The following TARS3 variants were observed in gnomAD, a reference collection of about 807,000 sequenced individuals.
The protein encoded by TARS3 is threonine--tRNA ligase 2, cytoplasmic.
A neutral mutation model predicts 103.5 loss-of-function variants in TARS3; 94 were observed. That is an observed-to-expected ratio of 0.91 (90% CI 0.77 to 1.08). The LOEUF (loss-of-function observed/expected upper bound fraction) is 1.08. Ranked by LOEUF, TARS3 falls within the 50% of genes least tolerant of loss-of-function variation. TARS3 has a pLI of 0.00. For missense variants in TARS3, 952 were observed against 995.2 expected (o/e 0.96, Z 0.58); for synonymous variants, 416 against 355.4 (o/e 1.17, Z -1.92).
At chr15:101,694,985 A>T (rs548165562) in intron 10 of TARS3, among the ~76,000 whole-genome samples, 1 of 152,318 alleles carries the variant, frequency 6.6e-6, no homozygotes, top group Admixed American at 6.5e-5. Flanking sequence ...GCAACGTGGA[A>T]AGAGTTCTGG....
intron 13 of TARS3, among the ~76,000 whole-genome samples, chr15:101,672,774 G>A (rs1460015592): frequency 3.3e-5 from 5 of 152,102 alleles, no homozygotes; most frequent in African/African-American, 9.7e-5. Flanking sequence ...GCCACCCCAC[G>A]GAGACACTTC....
At chr15:101,719,770 G>A (rs1051044181) in intron 3 of TARS3, among the ~76,000 whole-genome samples, 5 of 152,202 alleles carry the variant, frequency 3.3e-5, no homozygotes, top group African/African-American at 9.7e-5. Flanking sequence ...GGAGACAGCA[G>A]ATCAACAAGA....
intron 13 of TARS3, 109 bp downstream of exon 13, chr15:101,675,491 G>A: frequency 9.3e-7 from 1 of 1,080,840 alleles, no homozygotes; most frequent in Non-Finnish European, 1.3e-6. Context: ...ATAATTTCCA[G>A]GTTCAAAATT....
chr15:101,684,839 GCTTT>G (rs1384908168), intron 11 of TARS3, among the ~76,000 whole-genome samples: 2 of 152,156 alleles, frequency 1.3e-5, no homozygotes, highest in African/African-American at 4.8e-5. Context: ...CCGTGGTCTT[GCTTT>G]CTTATTCTGA....
intron 10 of TARS3, among the ~76,000 whole-genome samples, chr15:101,686,981 T>G (rs1020730263): frequency 2.0e-5 from 3 of 151,950 alleles, no homozygotes; most frequent in African/African-American, 7.3e-5. Flanking sequence ...CTAACAATGG[T>G]TTTATACAAC....
At chr15:101,718,095 G>A (rs532293466) in intron 3 of TARS3, among the ~76,000 whole-genome samples, 26 of 152,306 alleles carry the variant, frequency 1.7e-4, no homozygotes, top group East Asian at 7.7e-4. Flanking sequence ...AGGGCTGGGC[G>A]TGGTGGCTTA....
rs2141465701 is a variant in TARS3, at chr15:101,724,113, G to C, written c.275C>G (p.Ala92Gly). ...TACCTGTGCGCCGGCCTCCTGCGCC[G>C]CCTCTAGCTCCGCGCTCTCCAGCGT... ...QATLESAELE[A>G]AQEAGAQPPP... The change falls in exon 1 of 19, where the codon GCG becomes GGG. Residue 92 changes from alanine (A) to glycine (G), a missense_variant. By Grantham distance (60) the Ala-to-Gly change is moderately conservative (BLOSUM62 0). Around this residue, in one of 2 missense-constraint regions of TARS3, gnomAD observed 412 missense variants for 364.2 expected, o/e 1.13. Coordinates refer to ENST00000335968, the MANE Select transcript of TARS3 (RefSeq NM_152334.3). 2.2e-6 allele frequency: 3 copies of C among 1,379,608 alleles called. No individual in the cohort carries two copies. Among genetic ancestry groups the C allele is most frequent in the South Asian group, 1.6e-5 (1 of 61,858 alleles). 85.5% of individuals were successfully genotyped at this position (1,379,608 alleles called of 1,614,324 possible).
intron 10 of TARS3, among the ~76,000 whole-genome samples, chr15:101,697,396 T>A (rs893046619): frequency 2.0e-5 from 3 of 152,036 alleles, no homozygotes; most frequent in Non-Finnish European, 4.4e-5. Flanking sequence ...ACAGAAAGGG[T>A]ACCCAAAGAA....
chr15:101,658,664 G>A (rs1228039049), intron 16 of TARS3, among the ~76,000 whole-genome samples: 2 of 152,196 alleles, frequency 1.3e-5, no homozygotes, highest in Admixed American at 6.5e-5. Context: ...TGCATGTGAG[G>A]CTGGTGAAAT....
chr15:101,723,941 A>G (rs946272270), intron 1 of TARS3, 150 bp downstream of exon 1: 44 of 676,500 alleles, frequency 6.5e-5, no homozygotes, highest in Non-Finnish European at 6.9e-5. Context: ...GGGACCACCG[A>G]GCAGGGCAGG....
chr15:101,716,102 T>C (rs1339667134), intron 3 of TARS3, among the ~76,000 whole-genome samples: 3 of 152,100 alleles, frequency 2.0e-5, no homozygotes, highest in Middle Eastern at 3.4e-3. Context: ...CCGCAACCCC[T>C]GCCTTCTGGG....
chr15:101,719,109 G>T (rs1334332863), intron 3 of TARS3, among the ~76,000 whole-genome samples: 1 of 152,206 alleles, frequency 6.6e-6, no homozygotes, highest in Admixed American at 6.5e-5. Context: ...AGGATGAACA[G>T]GTGGGCTGAC....
At chr15:101,685,436 A>G (rs1045436759) in intron 11 of TARS3, among the ~76,000 whole-genome samples, 4 of 152,204 alleles carry the variant, frequency 2.6e-5, no homozygotes, top group Non-Finnish European at 4.4e-5. Context: ...GCCACCAACT[A>G]TAAGATGCAT....
chr15:101,679,908 C>T (rs533462553), intron 12 of TARS3, among the ~76,000 whole-genome samples: 3 of 152,166 alleles, frequency 2.0e-5, no homozygotes, highest in Non-Finnish European at 4.4e-5. Context: ...TTCTAGCCCC[C>T]CTCCATGGCC....
intron 2 of TARS3, among the ~76,000 whole-genome samples, chr15:101,722,638 CT>C (rs1163378372): frequency 1.3e-5 from 1 of 78,650 alleles, no homozygotes; most frequent in Non-Finnish European, 2.3e-5. Context: ...AACCCCATCT[CT>C]ACTAAAAAAA....
In TARS3 at chr15:101,660,869, T is replaced by C. The variant is rs78387840; in HGVS notation, c.2072+843A>G. Among the ~76,000 whole-genome samples, 1,315 of 152,362 alleles carry C rather than the reference T, an allele frequency of 8.6e-3. 23 individuals carry two copies. Among genetic ancestry groups the C allele is most frequent in the African/African-American group, 0.03 (1,253 of 41,576 alleles). ...TTTTAACAGAATGGGTCCTCTTGTA[T>C]TGGAATACTGAAAAATTCCTCAACA... On this transcript the variant is annotated intron_variant, in intron 16 of 18. Transcript: ENST00000335968.
At chr15:101,701,215 G>A (rs1322929868) in intron 9 of TARS3, 31 bp from the exon 10 acceptor site, 6 of 1,377,870 alleles carry the variant, frequency 4.4e-6, no homozygotes, top group Non-Finnish European at 6.1e-6. Context: ...CATTTCAAAT[G>A]TCATCTGCTA....
chr15:101,701,167 A>G lies in TARS3; in HGVS notation c.1239T>C (p.Phe413=). The G allele has an allele frequency of 6.3e-7, 1 of 1,594,728 alleles. No individual in the cohort carries two copies. Among genetic ancestry groups the G allele is most frequent in the Non-Finnish European group, 8.5e-7 (1 of 1,174,738 alleles). ...RKIGKEQELF[F]FHDLSPGSCF... ...AGCTTCCAGGACTCAAATCGTGGAA[A>G]AAGAAAAGTTCTTGTTCCTAGATTG... The change falls in exon 10 of 19, where the codon TTT becomes TTC. Residue 413 remains phenylalanine, a synonymous_variant. Coordinates refer to ENST00000335968, the MANE Select transcript of TARS3 (RefSeq NM_152334.3).
chr15:101,710,395 C>T (rs943288022), intron 5 of TARS3, among the ~76,000 whole-genome samples: 4 of 152,158 alleles, frequency 2.6e-5, no homozygotes, highest in South Asian at 2.1e-4. Context: ...TGGGAACTCC[C>T]GATTTGTAGC....
Sources: allele counts gnomAD v4.1 joint callset (sites outside exome capture counted in the v4.1 genomes callset), GRCh38; gene constraint gnomAD v4.1.1; regional missense constraint gnomAD v4.1.1; transcripts MANE v1.5; gene names NCBI Gene and HGNC (gene_info 2026-07-23, HGNC 2026-07-21).